The following PIK3C2G variants were observed in gnomAD, a reference collection of about 807,000 sequenced individuals.
PIK3C2G encodes the protein phosphatidylinositol 3-kinase C2 domain-containing subunit gamma.
PIK3C2G carries 168 observed loss-of-function variants against 181.1 expected under a neutral mutation model. The observed-to-expected ratio is 0.93, with a 90% confidence interval of 0.82 to 1.05. The LOEUF (loss-of-function observed/expected upper bound fraction) is 1.05, where lower values mean the gene tolerates loss of function less well. Among genes scored for constraint, PIK3C2G ranks in the 50% least tolerant of loss-of-function variants. The pLI is 0.00. For synonymous variants in PIK3C2G, 573 were observed against 592.2 expected, an observed-to-expected ratio of 0.97 and a Z score of 0.47; for missense variants, 1,869 against 1,732.8, an observed-to-expected ratio of 1.08 and a Z score of -1.40.
intron 18 of PIK3C2G, among the ~76,000 whole-genome samples, chr12:18,479,317 C>CTGGTATCCATGT (rs1440352982): frequency 6.6e-6 from 1 of 152,016 alleles, no homozygotes; most frequent in East Asian, 1.9e-4. Flanking sequence ...GAGTCTCGGG[C>CTGGTATCCATGT]TAACCCCTCA....
At chr12:18,372,067 C>T (rs1049464673) in intron 13 of PIK3C2G, among the ~76,000 whole-genome samples, 16 of 151,974 alleles carry the variant, frequency 1.1e-4, no homozygotes, top group Admixed American at 9.2e-4. Flanking sequence ...TATGGTGATA[C>T]AAAAATATTT....
intron 24 of PIK3C2G, among the ~76,000 whole-genome samples, chr12:18,524,237 G>A (rs1943094800): frequency 6.6e-6 from 1 of 152,200 alleles, no homozygotes; most frequent in Non-Finnish European, 1.5e-5. Context: ...CAAGTCCAGG[G>A]AAATTATCTG....
the PIK3C2G span, among the ~76,000 whole-genome samples, chr12:18,702,081 TATAA>T: frequency 6.6e-6 from 1 of 152,146 alleles, no homozygotes; most frequent in African/African-American, 2.4e-5. Context: ...AGTATATATA[TATAA>T]ATACTTACCA....
At chr12:18,426,901 A>T (rs557539169) in intron 18 of PIK3C2G, among the ~76,000 whole-genome samples, 1 of 152,334 alleles carries the variant, frequency 6.6e-6, no homozygotes, top group African/African-American at 2.4e-5. Context: ...CATAAGATAC[A>T]TTGACTGGCA....
At chr12:18,564,760 C>T (rs1945531251) in intron 28 of PIK3C2G, among the ~76,000 whole-genome samples, 2 of 152,138 alleles carry the variant, frequency 1.3e-5, no homozygotes, top group South Asian at 2.1e-4. Context: ...AAAAGCTCAA[C>T]GTTTGGCTGC....
At chr12:18,465,532 T>A (rs1166143390) in intron 18 of PIK3C2G, among the ~76,000 whole-genome samples, 1 of 151,918 alleles carries the variant, frequency 6.6e-6, no homozygotes, top group African/African-American at 2.4e-5. Flanking sequence ...AAAACAACTT[T>A]AGTTCATATT....
chr12:18,257,970 A>G (rs1354566188), upstream of PIK3C2G, among the ~76,000 whole-genome samples: 1 of 152,152 alleles, frequency 6.6e-6, no homozygotes, highest in Non-Finnish European at 1.5e-5. Context: ...ACCAACTCTC[A>G]TCCTGACTCT....
At chr12:18,317,664 T>G (rs929070455) in intron 6 of PIK3C2G, among the ~76,000 whole-genome samples, 3 of 152,212 alleles carry the variant, frequency 2.0e-5, no homozygotes, top group African/African-American at 4.8e-5. Flanking sequence ...TGATAGTGCT[T>G]GTTTTTCTGT....
chr12:18,708,286 T>C, the PIK3C2G span, among the ~76,000 whole-genome samples: 1 of 152,208 alleles, frequency 6.6e-6, no homozygotes, highest in Non-Finnish European at 1.5e-5. Context: ...TTTCTTTCTG[T>C]GTCTGGCTTA....
intron 30 of PIK3C2G, among the ~76,000 whole-genome samples, chr12:18,607,830 A>G (rs1272203448): frequency 1.3e-5 from 2 of 152,202 alleles, no homozygotes; most frequent in Admixed American, 1.3e-4. Context: ...CAGAATCTAC[A>G]ATGAACTCAA....
chr12:18,708,636 G>T, the PIK3C2G span, among the ~76,000 whole-genome samples: 4 of 152,014 alleles, frequency 2.6e-5, no homozygotes, highest in Non-Finnish European at 5.9e-5. Flanking sequence ...CAGTGTACAG[G>T]GTTCCCTTTT....
intron 18 of PIK3C2G, among the ~76,000 whole-genome samples, chr12:18,451,858 T>C (rs1243222135): frequency 1.3e-5 from 2 of 152,198 alleles, no homozygotes; most frequent in African/African-American, 4.8e-5. Flanking sequence ...GCTCTGTTTA[T>C]GTGATGGATT....
At chr12:18,421,600 T>G (rs1440689475) in intron 17 of PIK3C2G, among the ~76,000 whole-genome samples, 1 of 152,024 alleles carries the variant, frequency 6.6e-6, no homozygotes, top group African/African-American at 2.4e-5. Context: ...TATAAACAAG[T>G]AAATTAAACA....
chr12:18,704,443 A>G, the PIK3C2G span, among the ~76,000 whole-genome samples: 3 of 152,252 alleles, frequency 2.0e-5, no homozygotes, highest in South Asian at 4.1e-4. Context: ...CTCCTGCCTC[A>G]GTCTCCCTAG....
intron 18 of PIK3C2G, among the ~76,000 whole-genome samples, chr12:18,460,812 T>C (rs921518352): frequency 6.6e-6 from 1 of 151,968 alleles, no homozygotes; most frequent in East Asian, 1.9e-4. Flanking sequence ...GGATTAGGCA[T>C]GCAGATCCTG....
At chr12:18,313,086 C>T (rs1045904009) in intron 5 of PIK3C2G, among the ~76,000 whole-genome samples, 1 of 152,048 alleles carries the variant, frequency 6.6e-6, no homozygotes, top group African/African-American at 2.4e-5. Context: ...TGTGCATTAA[C>T]ATAACTCATC....
At position 18,531,045 on chromosome 12, in the gene PIK3C2G, T is replaced by G. The variant is rs570244586; in HGVS notation, c.3324-7111T>G. 2.6e-5 allele frequency among the ~76,000 whole-genome samples: 4 copies of G among 152,292 alleles called. No homozygotes were observed. The South Asian group carries it at 8.3e-4, about 32-fold the overall frequency. On this transcript the variant is annotated intron_variant, in intron 24 of 32. Coordinates refer to ENST00000538779, the MANE Select transcript of PIK3C2G (RefSeq NM_001288772.2). ...AATTTCAACAATGTTAACTATTCCT[T>G]CCTCAAAGTATCTTCTTCACATGCC...
chr12:18,568,554 C>T (rs1434605582), intron 29 of PIK3C2G, among the ~76,000 whole-genome samples: 1 of 151,992 alleles, frequency 6.6e-6, no homozygotes, highest in Non-Finnish European at 1.5e-5. Context: ...CATCTGAGTC[C>T]CAAGACATTC....
intron 18 of PIK3C2G, among the ~76,000 whole-genome samples, chr12:18,466,187 T>C (rs1280113606): frequency 2.0e-5 from 3 of 151,802 alleles, no homozygotes; most frequent in Non-Finnish European, 4.4e-5. Flanking sequence ...TCTGTTAGTA[T>C]AGTGTCTTGC....
Sources: gnomAD v4.1 joint callset for allele counts (sites outside exome capture counted in the v4.1 genomes callset) on GRCh38, gnomAD v4.1.1 for gene constraint, MANE v1.5 for transcripts, NCBI Gene and HGNC (gene_info 2026-07-23, HGNC 2026-07-21) for gene names.